TLL1: variants seen among roughly 807,000 people sequenced by gnomAD.
TLL1 encodes tolloid-like protein 1.
Under a neutral mutation model 128.2 loss-of-function variants are expected in TLL1, and 49 were observed. The ratio of observed to expected loss-of-function variants is 0.38; its 90% CI spans 0.30 to 0.48. TLL1 has a LOEUF of 0.48. Ranked by LOEUF, TLL1 falls within the 20% of genes least tolerant of loss-of-function variation. The pLI, the probability that TLL1 is intolerant of heterozygous loss-of-function variation, is 0.96. For missense variants in TLL1, 1,123 were observed against 1,242.0 expected (o/e 0.90, Z 1.44); for synonymous variants, 454 against 418.8 (o/e 1.08, Z -1.03).
chr4:166,017,627 A>G (rs1303060562), intron 8 of TLL1, among the ~76,000 whole-genome samples: 1 of 151,784 alleles, frequency 6.6e-6, no homozygotes, highest in East Asian at 1.9e-4. Context: ...AATAATAGCT[A>G]TTTTGATTGG....
At chr4:165,917,931 C>T (rs916656202) in intron 1 of TLL1, among the ~76,000 whole-genome samples, 4 of 151,984 alleles carry the variant, frequency 2.6e-5, no homozygotes, top group African/African-American at 9.7e-5. Context: ...TTATCATTAG[C>T]GTAACTTTAA....
chr4:166,063,096 C>A (rs1197093436), intron 15 of TLL1, among the ~76,000 whole-genome samples: 1 of 152,026 alleles, frequency 6.6e-6, no homozygotes, highest in Non-Finnish European at 1.5e-5. Flanking sequence ...ACCCATCTGA[C>A]AAAGTTCTAA....
intron 2 of TLL1, among the ~76,000 whole-genome samples, chr4:165,990,366 G>A (rs891237435): frequency 6.6e-6 from 1 of 151,880 alleles, no homozygotes; most frequent in Middle Eastern, 3.2e-3. Context: ...TTCTGTGGAA[G>A]TACAATATGT....
intron 1 of TLL1, among the ~76,000 whole-genome samples, chr4:165,955,298 G>T (rs1326721349): frequency 6.6e-6 from 1 of 151,656 alleles, no homozygotes; most frequent in African/African-American, 2.4e-5. Context: ...AAGATATAAA[G>T]AGCCCAAATG....
chr4:166,054,770 A>T (rs754136786), intron 12 of TLL1, among the ~76,000 whole-genome samples: 6 of 151,954 alleles, frequency 3.9e-5, no homozygotes, highest in Admixed American at 3.9e-4. Context: ...TTCAGCCTCT[A>T]TTGAATGAAG....
Position 165,882,810 on chromosome 4 carries a change from G to T in TLL1, c.169+8737G>T, listed in dbSNP as rs890231735. Among the ~76,000 whole-genome samples the T allele has an allele frequency of 3.3e-5, 5 of 151,948 alleles. 1 individual carries two copies. The East Asian group carries it at 9.8e-4, about 30-fold the overall frequency. Reference sequence around the variant, plus strand: ...GTTTTATATTTTTAGTAGAGACGGGGTTTCTCCATATTGGTCAGGCTGGTC... The same window carrying T: ...GTTTTATATTTTTAGTAGAGACGGGTTTTCTCCATATTGGTCAGGCTGGTC... On this transcript the variant is annotated intron_variant, in intron 1 of 20. Transcript: ENST00000061240.
chr4:165,943,842 G>A (rs554318822), intron 1 of TLL1, among the ~76,000 whole-genome samples: 1 of 152,196 alleles, frequency 6.6e-6, no homozygotes, highest in African/African-American at 2.4e-5. Flanking sequence ...GCAGCTACAT[G>A]TGCACAGTGT....
chr4:165,881,650 C>T (rs577835176), intron 1 of TLL1, among the ~76,000 whole-genome samples: 3 of 152,190 alleles, frequency 2.0e-5, no homozygotes, highest in East Asian at 3.9e-4. Flanking sequence ...AGAGCATTCT[C>T]GTAGTGTGAG....
chr4:165,875,633 G>A (rs188773714), intron 1 of TLL1, among the ~76,000 whole-genome samples: 1 of 152,088 alleles, frequency 6.6e-6, no homozygotes. Flanking sequence ...CTAGTGGCTG[G>A]GCATTCAGAA....
chr4:166,003,682 T>G, intron 6 of TLL1, 113 bp downstream of exon 6: 1 of 1,096,988 alleles, frequency 9.1e-7, no homozygotes, highest in African/African-American at 1.6e-5. Context: ...TTTGATATGA[T>G]AGAGTAACAT....
At chr4:166,009,346 T>C (rs11934196) in intron 7 of TLL1, among the ~76,000 whole-genome samples, 2,032 of 151,600 alleles carry the variant, frequency 0.013, 42 homozygotes, top group African/African-American at 0.046. Context: ...TTTGGTTCCT[T>C]GGAACAGAGA....
chr4:165,970,664 A>G (rs1735591291), intron 1 of TLL1, among the ~76,000 whole-genome samples: 1 of 152,194 alleles, frequency 6.6e-6, no homozygotes, highest in African/African-American at 2.4e-5. Flanking sequence ...TAAAATAAAT[A>G]AATAAATTAT....
intron 8 of TLL1, among the ~76,000 whole-genome samples, chr4:166,019,330 A>T (rs899071270): frequency 2.0e-5 from 3 of 152,122 alleles, no homozygotes; most frequent in African/African-American, 4.8e-5. Context: ...GGCGACAAGG[A>T]TTGAAAAATT....
chr4:166,023,384 A>AT (rs1202547249), intron 8 of TLL1, among the ~76,000 whole-genome samples: 2 of 152,154 alleles, frequency 1.3e-5, no homozygotes, highest in Non-Finnish European at 2.9e-5. Context: ...TGGGTGACAG[A>AT]TTGAGACTCT....
rs531121648 is a variant in TLL1, at chr4:166,035,330, AT to A, written c.1159-4003del. Among the ~76,000 whole-genome samples, 19 of 152,260 alleles carry A rather than the reference AT, an allele frequency of 1.2e-4. No individual in the cohort carries two copies. The East Asian group carries it at 3.5e-3, about 28-fold the overall frequency. On this transcript the variant is annotated intron_variant, in intron 9 of 20. Coordinates refer to ENST00000061240, the MANE Select transcript of TLL1 (RefSeq NM_012464.5). ...AATGGAGTAATACCTTATTTTATAT[AT>A]TTTTTCAGGGTTTATATTGTGAGGA...
chr4:165,967,530 G>T (rs568381017), intron 1 of TLL1, among the ~76,000 whole-genome samples: 1 of 152,338 alleles, frequency 6.6e-6, no homozygotes, highest in Non-Finnish European at 1.5e-5. Context: ...GCTTTGGCCG[G>T]TCACTCCGTT....
At chr4:165,967,116 A>T (rs1046001066) in intron 1 of TLL1, among the ~76,000 whole-genome samples, 1 of 152,188 alleles carries the variant, frequency 6.6e-6, no homozygotes, top group African/African-American at 2.4e-5. Flanking sequence ...GAATTCAGCG[A>T]TATTTCTCCT....
intron 5 of TLL1, among the ~76,000 whole-genome samples, chr4:165,996,708 T>G (rs1298452590): frequency 3.3e-5 from 5 of 152,114 alleles, no homozygotes; most frequent in African/African-American, 1.2e-4. Flanking sequence ...GTTAGAAGAT[T>G]GTGAGACTTT....
At chr4:166,071,908 A>G (rs1022702721) in intron 16 of TLL1, among the ~76,000 whole-genome samples, 2 of 151,998 alleles carry the variant, frequency 1.3e-5, no homozygotes, top group Non-Finnish European at 2.9e-5. Context: ...CAACCACACC[A>G]TATTTACTAC....
Sources: allele counts gnomAD v4.1 joint callset (sites outside exome capture counted in the v4.1 genomes callset), GRCh38; gene constraint gnomAD v4.1.1; transcripts MANE v1.5; gene names NCBI Gene and HGNC (gene_info 2026-07-23, HGNC 2026-07-21).